GRB10: variants seen among roughly 807,000 people sequenced by gnomAD.
GRB10 encodes growth factor receptor-bound protein 10.
In GRB10, 20 loss-of-function variants were observed where a neutral mutation model predicts 80.9. That is an observed-to-expected ratio of 0.25 (90% CI 0.17 to 0.36). The LOEUF is 0.36. GRB10 is among the 10% of genes least tolerant of loss of function. The pLI is 1.00. For synonymous variants in GRB10, 291 were observed against 291.5 expected, an observed-to-expected ratio of 1.00 and a Z score of 0.02; for missense variants, 548 against 747.7, an observed-to-expected ratio of 0.73 and a Z score of 3.12.
intron 17 of GRB10, among the ~76,000 whole-genome samples, chr7:50,600,536 G>T (rs1430630627): frequency 6.6e-6 from 1 of 152,040 alleles, no homozygotes; most frequent in African/African-American, 2.4e-5. Flanking sequence ...AAGGACAAAA[G>T]AAAGAAAGGG....
At chr7:50,687,989 A>C (rs1416780953) in intron 5 of GRB10, among the ~76,000 whole-genome samples, 3 of 152,240 alleles carry the variant, frequency 2.0e-5, no homozygotes, top group Non-Finnish European at 2.9e-5. Flanking sequence ...GGTGAAAAAG[A>C]GTGGTTCAGA....
chr7:50,612,130 G>A (rs2049649274), intron 13 of GRB10, among the ~76,000 whole-genome samples: 1 of 152,192 alleles, frequency 6.6e-6, no homozygotes, highest in South Asian at 2.1e-4. Flanking sequence ...TTACAGTCAG[G>A]AGGTACTGTC....
At chr7:50,785,375 T>C (rs919537587), upstream of GRB10, among the ~76,000 whole-genome samples, 3 of 152,194 alleles carry the variant, frequency 2.0e-5, no homozygotes, top group Non-Finnish European at 4.4e-5. Flanking sequence ...CTGGGCCCTG[T>C]CCACAGCTCT....
chr7:50,612,850 T>G lies in GRB10; in HGVS notation c.1096-11A>C, dbSNP rs1005550421. The G allele has an allele frequency of 3.8e-6, 6 of 1,583,994 alleles. No individual in the cohort carries two copies. The African/African-American group carries it at 8.1e-5, about 21-fold the overall frequency. ...CCTGACTTTGTTTGGCTACAGGAGG[T>G]AAAAGAAAGTCCTGTTAGTGTTACA... On this transcript the variant is annotated splice_polypyrimidine_tract_variant and intron_variant, in intron 12 of 18. Transcript: ENST00000401949.
Position 50,667,015 on chromosome 7 carries a change from C to T in GRB10, c.504+2707G>A, listed in dbSNP as rs376100401. Among the ~76,000 whole-genome samples the T allele has an allele frequency of 2.2e-4, 31 of 140,916 alleles. No individual in the cohort carries two copies. In the East Asian group the frequency reaches 4.9e-3, roughly 22 times the overall value. 92.4% of individuals were successfully genotyped at this position (140,916 alleles called of 152,430 possible). On this transcript the variant is annotated intron_variant, in intron 7 of 18. Transcript: ENST00000401949. ...AGATTGCGCCACTGCACTCCAGCAG[C>T]CTGGGCGACAGAGCGAGACTCTGTC...
At chr7:50,727,157 A>G (rs191381395) in intron 4 of GRB10, 1 of 152,336 alleles carries the variant, frequency 6.6e-6, no homozygotes, top group East Asian at 1.9e-4. Flanking sequence ...GGAAGAGCTT[A>G]ATCTTTTCCC....
intron 5 of GRB10, among the ~76,000 whole-genome samples, chr7:50,689,176 T>C (rs1265094468): frequency 1.3e-5 from 2 of 152,222 alleles, no homozygotes; most frequent in African/African-American, 4.8e-5. Flanking sequence ...GAAATCTAGC[T>C]GATCCCCCCC....
chr7:50,606,442 C>G, intron 13 of GRB10, 28 bp from the exon 14 acceptor site: 1 of 1,579,250 alleles, frequency 6.3e-7, no homozygotes, highest in Non-Finnish European at 8.7e-7. Flanking sequence ...CAGTTAGTCA[C>G]CGGCCCGGGA....
intron 5 of GRB10, 33 bp downstream of exon 5, chr7:50,703,788 T>G (rs2064586164): frequency 6.8e-7 from 1 of 1,481,032 alleles, no homozygotes; most frequent in African/African-American, 1.4e-5. Context: ...AAGCTAGAAC[T>G]GGGAGTGTTC....
chr7:50,648,293 C>T (rs752950283), intron 7 of GRB10, among the ~76,000 whole-genome samples: 3 of 152,046 alleles, frequency 2.0e-5, no homozygotes, highest in Non-Finnish European at 2.9e-5. Flanking sequence ...GCTGCAGGCC[C>T]GGCAAGCGGA....
intron 5 of GRB10, among the ~76,000 whole-genome samples, chr7:50,692,055 C>T (rs1247839669): frequency 6.6e-6 from 1 of 152,180 alleles, no homozygotes; most frequent in Non-Finnish European, 1.5e-5. Flanking sequence ...AGTGTACTTG[C>T]ACATGTACAG....
At chr7:50,776,397 T>C (rs1358396172) in intron 2 of GRB10, among the ~76,000 whole-genome samples, 1 of 151,566 alleles carries the variant, frequency 6.6e-6, no homozygotes, top group Admixed American at 6.6e-5. Flanking sequence ...TTTTTTTTAC[T>C]TTTAGTAGAG....
intron 7 of GRB10, among the ~76,000 whole-genome samples, chr7:50,641,326 C>T (rs757214900): frequency 6.6e-6 from 1 of 152,004 alleles, no homozygotes; most frequent in Non-Finnish European, 1.5e-5. Flanking sequence ...CACTCTCAGC[C>T]GAAACGTTTT....
chr7:50,765,215 G>A (rs1438537691), intron 2 of GRB10, among the ~76,000 whole-genome samples: 4 of 152,174 alleles, frequency 2.6e-5, no homozygotes, highest in South Asian at 2.1e-4. Flanking sequence ...ATACTCTGCC[G>A]GTGGGAATGT....
chr7:50,722,145 G>A (rs1046573350), intron 4 of GRB10, among the ~76,000 whole-genome samples: 1 of 152,114 alleles, frequency 6.6e-6, no homozygotes, highest in African/African-American at 2.4e-5. Flanking sequence ...GTAGCTCCCA[G>A]CTTCCCAGGC....
intron 7 of GRB10, 25 bp downstream of exon 7, chr7:50,669,697 G>A: frequency 6.2e-7 from 1 of 1,609,002 alleles, no homozygotes; most frequent in Non-Finnish European, 8.5e-7. Flanking sequence ...CCCTCAGCCT[G>A]GGCTCCAGCC....
At chr7:50,594,814 T>C (rs2046359006) in intron 18 of GRB10, among the ~76,000 whole-genome samples, 1 of 152,192 alleles carries the variant, frequency 6.6e-6, no homozygotes, top group Admixed American at 6.5e-5. Flanking sequence ...TAGTGTTGAT[T>C]AATGTATTCT....
intron 4 of GRB10, among the ~76,000 whole-genome samples, chr7:50,709,788 G>A (rs1405568117): frequency 6.6e-6 from 1 of 152,048 alleles, no homozygotes; most frequent in East Asian, 1.9e-4. Context: ...TGGTGTGGCT[G>A]GTCCTCACCT....
intron 4 of GRB10, among the ~76,000 whole-genome samples, chr7:50,726,404 A>T (rs1286242097): frequency 6.6e-6 from 1 of 152,154 alleles, no homozygotes; most frequent in Admixed American, 6.5e-5. Context: ...TCTCAAAAAA[A>T]ACAAAAAACA....
Sources: allele counts gnomAD v4.1 joint callset (sites outside exome capture counted in the v4.1 genomes callset), GRCh38; gene constraint gnomAD v4.1.1; transcripts MANE v1.5; gene names NCBI Gene and HGNC (gene_info 2026-07-23, HGNC 2026-07-21).